Variants in SV2C observed in about 807,000 individuals in gnomAD.
The protein encoded by SV2C is synaptic vesicle glycoprotein 2C, also known as solute carrier family 22 member B3.
In SV2C, 49 loss-of-function variants were observed where a neutral mutation model predicts 79.7. That is an observed-to-expected ratio of 0.61 (90% confidence interval 0.49 to 0.78). The LOEUF is 0.78. Ranked by LOEUF, SV2C falls within the 30% of genes least tolerant of loss-of-function variation. SV2C has a pLI of 0.00. For synonymous variants in SV2C, 334 were observed against 333.2 expected (o/e 1.00, Z -0.03); for missense variants, 833 against 912.9 (o/e 0.91, Z 1.13).
chr5:76,146,050 C>T (rs562007406), intron 2 of SV2C, among the ~76,000 whole-genome samples: 4 of 149,858 alleles, frequency 2.7e-5, no homozygotes, highest in East Asian at 3.9e-4. Context: ...TTCCACTCCA[C>T]ATGAAAAGCA....
At chr5:75,870,704 T>C in the SV2C span, among the ~76,000 whole-genome samples, 1 of 152,304 alleles carries the variant, frequency 6.6e-6, no homozygotes, top group African/African-American at 2.4e-5. Flanking sequence ...GAAAACTGTC[T>C]CAAGGCATTT....
chr5:76,016,997 A>C, the SV2C span, among the ~76,000 whole-genome samples: 6 of 152,224 alleles, frequency 3.9e-5, no homozygotes, highest in Non-Finnish European at 8.8e-5. Context: ...CTTCCACAGT[A>C]ATTTCTTACT....
the SV2C span, among the ~76,000 whole-genome samples, chr5:76,067,470 T>G: frequency 1.5e-4 from 23 of 152,192 alleles, no homozygotes; most frequent in Non-Finnish European, 3.1e-4. Flanking sequence ...GCTTTTAAGC[T>G]TAGAAATTCT....
the SV2C span, among the ~76,000 whole-genome samples, chr5:75,950,120 G>A: frequency 6.6e-6 from 1 of 152,066 alleles, no homozygotes; most frequent in African/African-American, 2.4e-5. Flanking sequence ...CTGGGGCACT[G>A]TTGGTGTGTT....
At chr5:75,998,401 T>C in the SV2C span, among the ~76,000 whole-genome samples, 1 of 152,148 alleles carries the variant, frequency 6.6e-6, no homozygotes, top group Non-Finnish European at 1.5e-5. Flanking sequence ...AGTATACTCA[T>C]GCCATCACTA....
chr5:76,336,061 C>T (rs1375699958), downstream of SV2C, among the ~76,000 whole-genome samples: 8 of 66,384 alleles, frequency 1.2e-4, no homozygotes, highest in Non-Finnish European at 2.5e-4. Flanking sequence ...CTGACCCCCC[C>T]ACCTCCCTCC....
the SV2C span, among the ~76,000 whole-genome samples, chr5:76,003,816 C>T: frequency 5.9e-5 from 9 of 151,938 alleles, no homozygotes; most frequent in Non-Finnish European, 1.0e-4. Context: ...TGCCCAGGGC[C>T]ATAGGGTGTG....
At chr5:76,061,770 G>C in the SV2C span, among the ~76,000 whole-genome samples, 1 of 152,014 alleles carries the variant, frequency 6.6e-6, no homozygotes, top group African/African-American at 2.4e-5. Flanking sequence ...GTATAGGAAC[G>C]TGCCCCATAA....
the SV2C span, among the ~76,000 whole-genome samples, chr5:76,019,851 T>C: frequency 1.3e-5 from 2 of 152,178 alleles, no homozygotes; most frequent in Non-Finnish European, 2.9e-5. Flanking sequence ...AACATTGTCA[T>C]GGATAATGAA....
the SV2C span, among the ~76,000 whole-genome samples, chr5:75,889,764 G>C: frequency 6.6e-6 from 1 of 152,066 alleles, no homozygotes; most frequent in Admixed American, 6.6e-5. Flanking sequence ...CCACTGAATG[G>C]ATAAATGCTT....
chr5:75,930,254 C>A, the SV2C span, among the ~76,000 whole-genome samples: 1 of 151,986 alleles, frequency 6.6e-6, no homozygotes, highest in South Asian at 2.1e-4. Context: ...AGCGTGCAGA[C>A]GTTTGGGAAG....
chr5:76,029,206 A>G, the SV2C span, among the ~76,000 whole-genome samples: 1 of 152,216 alleles, frequency 6.6e-6, no homozygotes, highest in Non-Finnish European at 1.5e-5. Context: ...CATATGCACT[A>G]CCTCACACAG....
intron 4 of SV2C, among the ~76,000 whole-genome samples, chr5:76,250,502 C>T (rs1388221288): frequency 2.0e-5 from 3 of 152,102 alleles, no homozygotes; most frequent in Admixed American, 2.0e-4. Context: ...GCTTTCCACC[C>T]GTGTTCTAGA....
chr5:76,017,575 G>C, the SV2C span, among the ~76,000 whole-genome samples: 7 of 152,136 alleles, frequency 4.6e-5, no homozygotes, highest in Non-Finnish European at 8.8e-5. Context: ...CACTGAGCCA[G>C]GCTATCACTG....
intron 2 of SV2C, among the ~76,000 whole-genome samples, chr5:76,162,973 A>G (rs534481857): frequency 2.0e-4 from 30 of 152,360 alleles, no homozygotes; most frequent in African/African-American, 6.3e-4. Context: ...GAAGCCCTTT[A>G]TATCATGGAG....
the SV2C span, among the ~76,000 whole-genome samples, chr5:75,849,204 G>A: frequency 2.6e-4 from 39 of 152,228 alleles, no homozygotes; most frequent in Non-Finnish European, 4.6e-4. Flanking sequence ...TAGGAAGACA[G>A]CTGGGAGTAT....
chr5:76,281,298 T>C, intron 4 of SV2C: 3 of 475,418 alleles, frequency 6.3e-6, no homozygotes, highest in South Asian at 5.0e-5. Flanking sequence ...AGACTAGAAC[T>C]TAATGGAACG....
chr5:76,261,308 G>T (rs528355362), intron 4 of SV2C, among the ~76,000 whole-genome samples: 1 of 152,308 alleles, frequency 6.6e-6, no homozygotes, highest in Non-Finnish European at 1.5e-5. Flanking sequence ...CTGAGGCTTT[G>T]CTGAAGTCAT....
At chr5:76,151,995 C>T (rs1749620970) in intron 2 of SV2C, among the ~76,000 whole-genome samples, 1 of 152,124 alleles carries the variant, frequency 6.6e-6, no homozygotes, top group Admixed American at 6.5e-5. Flanking sequence ...ACAGACGGAG[C>T]TTTAGTGATG....
Sources: gnomAD v4.1 joint callset for allele counts (sites outside exome capture counted in the v4.1 genomes callset) on GRCh38, gnomAD v4.1.1 for gene constraint, MANE v1.5 for transcripts, NCBI Gene and HGNC (gene_info 2026-07-23, HGNC 2026-07-21) for gene names.